The following PCDHGA9 variants were observed in gnomAD, a reference collection of about 807,000 sequenced individuals.
PCDHGA9 encodes the protein protocadherin gamma subfamily A, 9, also known as protocadherin gamma-A9.
Under a neutral mutation model 62.5 loss-of-function variants are expected in PCDHGA9, and 37 were observed. That is an observed-to-expected ratio of 0.59 (90% CI 0.46 to 0.78). The LOEUF (loss-of-function observed/expected upper bound fraction) is 0.78. PCDHGA9 is among the 30% of genes least tolerant of loss of function. The probability of loss-of-function intolerance (pLI) is 0.00; values close to 1 mark genes in which losing one functional copy is unlikely to be tolerated. For synonymous variants in PCDHGA9, 459 were observed against 484.6 expected (o/e 0.95, Z 0.69); for missense variants, 1,138 against 1,166.2 (o/e 0.98, Z 0.35).
At position 141,419,994 on chromosome 5, in the gene PCDHGA9, C is replaced by T. The variant is rs757658202; in HGVS notation, c.2424+14618C>T. 1.9e-6 allele frequency: 3 copies of T among 1,614,072 alleles called. No homozygotes were observed. Among genetic ancestry groups the T allele is most frequent in the East Asian group, 4.5e-5 (2 of 44,884 alleles). ...CTCCTCGCGGTGATTCTAGCTATTG[C>T]TCTACGCCTGCGACAGTCTTTCAGC... On this transcript the variant is annotated intron_variant, in intron 1 of 3. Coordinates refer to ENST00000573521, the MANE Select transcript of PCDHGA9 (RefSeq NM_018921.3).
chr5:141,433,313 C>T (rs2097582516), intron 1 of PCDHGA9: 5 of 866,388 alleles, frequency 5.8e-6, no homozygotes, highest in Admixed American at 2.8e-5. Context: ...CCCACCTTTG[C>T]CTCCGGTGTA....
chr5:141,509,810 G>T (rs1272295976), intron 3 of PCDHGA9, among the ~76,000 whole-genome samples: 1 of 152,154 alleles, frequency 6.6e-6, no homozygotes, highest in East Asian at 1.9e-4. Flanking sequence ...ATAGAGCCGA[G>T]CTCTTCTCCA....
intron 1 of PCDHGA9, chr5:141,422,258 A>G (rs2096637047): frequency 6.4e-7 from 1 of 1,565,282 alleles, no homozygotes; most frequent in East Asian, 2.2e-5. Flanking sequence ...GTGAATGATA[A>G]CGCTCCAGAA....
Position 141,414,298 on chromosome 5 carries a change from G to A in PCDHGA9, c.2424+8922G>A, listed in dbSNP as rs200349573. ...GGGAACAGTCGTAGCCCTTTTAAAT[G>A]TGCATGATTTAGACTCTGAGCAGAA... On this transcript the variant is annotated intron_variant, in intron 1 of 3. Transcript: ENST00000573521. The A allele has an allele frequency of 1.9e-5, 30 of 1,613,626 alleles. No homozygotes were observed. In the East Asian group the frequency reaches 6.7e-4, roughly 36 times the overall value.
Position 141,489,866 on chromosome 5 carries a change from A to AGCTGGT in PCDHGA9, c.2425-4937_2425-4932dup. ...GATCGTGAAGCCCAGGCAAGACATC[A>AGCTGGT]GCTGGTGCTTACTGCTGTGGATGGG... On this transcript the variant is annotated intron_variant, in intron 1 of 3. Coordinates refer to ENST00000573521, the MANE Select transcript of PCDHGA9 (RefSeq NM_018921.3). The surrounding 1 kb of genome is among the most constrained non-coding windows in gnomAD (Gnocchi z 4.5). The AGCTGGT allele has an allele frequency of 1.2e-6, 2 of 1,614,220 alleles. No individual in the cohort carries two copies. The highest frequency in any genetic ancestry group is 1.7e-6 in the Non-Finnish European group (2 of 1,180,018).
chr5:141,484,242 A>G (rs995022030), intron 1 of PCDHGA9, among the ~76,000 whole-genome samples: 1 of 152,216 alleles, frequency 6.6e-6, no homozygotes, highest in African/African-American at 2.4e-5. Flanking sequence ...TCTGGTCCTT[A>G]GCACCTCCCA....
At chr5:141,423,463 G>T (rs772779471) in intron 1 of PCDHGA9, 22 of 1,613,992 alleles carry the variant, frequency 1.4e-5, no homozygotes, top group Non-Finnish European at 1.8e-5. Context: ...AGGCGTGGAC[G>T]GGGTACAGGC....
intron 1 of PCDHGA9, among the ~76,000 whole-genome samples, chr5:141,482,257 T>C (rs2099555476): frequency 1.3e-5 from 2 of 152,156 alleles, no homozygotes; most frequent in Admixed American, 1.3e-4. Context: ...ACTGTACATA[T>C]TAGTTGTTTA....
At position 141,409,239 on chromosome 5, in the gene PCDHGA9, A is replaced by C. The variant is rs1330242516; in HGVS notation, c.2424+3863A>C. The C allele has an allele frequency of 5.0e-6, 8 of 1,613,920 alleles. No individual in the cohort carries two copies. In the Admixed American group the frequency reaches 1.3e-4, roughly 27 times the overall value. On this transcript the variant is annotated intron_variant, in intron 1 of 3. Transcript: ENST00000573521. ...CTTGATGAAAACGACAACAGCCCAG[A>C]AATAATCATCACTTCTCTCTCTGAT... is the stretch of plus-strand genomic sequence containing the variant.
chr5:141,404,782 G>A lies in PCDHGA9; in HGVS notation c.1830G>A (p.Lys610=). 6.2e-7 allele frequency: 1 copy of A among 1,613,964 alleles called. No homozygotes were observed. The stretch of plus-strand genomic sequence containing the variant: ...CTTGGCTCTCCTACCGCCTATTCAA[G>A]GCCAGTGAGCCAGGGCTCTTCTCGG... The part of the protein sequence containing the change: ...QNAWLSYRLF[K]ASEPGLFSVG... The change falls in exon 1 of 4, where the codon AAG becomes AAA. Residue 610 remains lysine (K), a synonymous_variant. Coordinates refer to ENST00000573521, the MANE Select transcript of PCDHGA9 (RefSeq NM_018921.3).
At chr5:141,501,809 A>G (rs2099811165) in intron 2 of PCDHGA9, among the ~76,000 whole-genome samples, 1 of 152,176 alleles carries the variant, frequency 6.6e-6, no homozygotes, top group African/African-American at 2.4e-5. Flanking sequence ...ACCCAGCTTC[A>G]CATAATTGGC....
intron 1 of PCDHGA9, among the ~76,000 whole-genome samples, chr5:141,454,743 G>A (rs1050167077): frequency 6.7e-6 from 1 of 149,684 alleles, no homozygotes; most frequent in African/African-American, 2.5e-5. Context: ...ATGAAAAGAG[G>A]CCAAACTAAT....
chr5:141,487,905 G>C lies in PCDHGA9; in HGVS notation c.2425-6902G>C. The C allele has an allele frequency of 1.5e-6, 1 of 686,388 alleles. No individual in the cohort carries two copies. 42.5% of individuals were successfully genotyped at this position (686,388 alleles called of 1,614,324 possible). On this transcript the variant is annotated intron_variant, in intron 1 of 3. Transcript: ENST00000573521. This position sits in a 1 kb window ranked among gnomAD's most constrained non-coding sequence, Gnocchi z 5.0. ...GTGGAAGCATGATGATGGAATGTGG[G>C]AGCACAGGAGGCTACAGTGCACAGG...
chr5:141,469,762 A>G (rs547099941), intron 1 of PCDHGA9, among the ~76,000 whole-genome samples: 15 of 152,360 alleles, frequency 9.8e-5, no homozygotes, highest in African/African-American at 3.4e-4. Flanking sequence ...ATACATATAT[A>G]CCAGCTTATT....
rs148641580 is a variant in PCDHGA9 at position 141,437,874 on chromosome 5, A to C, written c.2424+32498A>C. 3.9e-4 allele frequency among the ~76,000 whole-genome samples: 59 copies of C among 151,954 alleles called. 1 individual carries two copies. In the East Asian group the frequency reaches 5.8e-3, roughly 15 times the overall value. Reference sequence around the variant, plus strand: ...TGCCTTAGCCTCCCGAGTAGCTGGGACTACAGGCACACGCCACCACACCCA... The same window carrying C: ...TGCCTTAGCCTCCCGAGTAGCTGGGCCTACAGGCACACGCCACCACACCCA... On this transcript the variant is annotated intron_variant, in intron 1 of 3. Transcript: ENST00000573521.
intron 1 of PCDHGA9, among the ~76,000 whole-genome samples, chr5:141,473,946 G>A (rs1399816546): frequency 6.6e-6 from 1 of 152,170 alleles, no homozygotes; most frequent in African/African-American, 2.4e-5. Context: ...GCTCAGGCCT[G>A]TAGTCCCATC....
In PCDHGA9 at chr5:141,511,197, C is replaced by A; in HGVS notation, c.*24C>A. 1 of 1,613,140 alleles carries A rather than the reference C, an allele frequency of 6.2e-7. No individual in the cohort carries two copies. Among genetic ancestry groups the A allele is most frequent in the Non-Finnish European group, 8.5e-7 (1 of 1,179,524 alleles). Reference sequence around the variant, plus strand: ...AACATGGAGGCCAGGCCAAGAGCCACAGGGCGGCCTCTCCCCAACCAGCCC... The same window carrying A: ...AACATGGAGGCCAGGCCAAGAGCCAAAGGGCGGCCTCTCCCCAACCAGCCC... On this transcript the variant is annotated 3_prime_UTR_variant, in exon 4 of 4. Transcript: ENST00000573521.
At chr5:141,452,065 T>A (rs185791618) in intron 1 of PCDHGA9, among the ~76,000 whole-genome samples, 1 of 152,332 alleles carries the variant, frequency 6.6e-6, no homozygotes, top group Non-Finnish European at 1.5e-5. Flanking sequence ...TTATTCTACT[T>A]TTATTAGTTG....
At chr5:141,417,887 C>T in intron 1 of PCDHGA9, 2 of 1,564,888 alleles carry the variant, frequency 1.3e-6, no homozygotes, top group Non-Finnish European at 1.7e-6. Flanking sequence ...GCAGAGGCGC[C>T]GGGCCGGCCC....
Sources: allele counts gnomAD v4.1 joint callset (sites outside exome capture counted in the v4.1 genomes callset), GRCh38; gene constraint gnomAD v4.1.1; non-coding constraint Gnocchi (gnomAD v3.1); transcripts MANE v1.5; gene names NCBI Gene and HGNC (gene_info 2026-07-23, HGNC 2026-07-21).